Variants in WWOX observed in about 807,000 individuals in gnomAD.
WWOX encodes the protein WW domain-containing oxidoreductase.
Under a neutral mutation model 46.2 loss-of-function variants are expected in WWOX, and 69 were observed. The observed-to-expected ratio is 1.49, with a 90% confidence interval of 1.23 to 1.82. The LOEUF is 1.82. WWOX is among the 40% of genes most tolerant of loss of function. The probability of loss-of-function intolerance (pLI) is 0.00; values close to 1 mark genes in which losing one functional copy is unlikely to be tolerated. For missense variants in WWOX, 919 were observed against 542.6 expected, an observed-to-expected ratio of 1.69 and a Z score of -6.89; for synonymous variants, 359 against 202.6, an observed-to-expected ratio of 1.77 and a Z score of -6.56.
In WWOX at chr16:79,020,924, G is replaced by C. The variant is rs187154059; in HGVS notation, c.1057-190684G>C. Among the ~76,000 whole-genome samples the C allele has an allele frequency of 1.1e-3, 170 of 152,234 alleles. 1 individual carries two copies. In the Middle Eastern group the frequency reaches 0.02, roughly 18 times the overall value. ...TTTAAGTGAGGGAGTATGTTAATGA[G>C]CTTAGATTGTCAGGGAGCTAAGGGG... On this transcript the variant is annotated intron_variant, in intron 8 of 8. Coordinates refer to ENST00000566780, the MANE Select transcript of WWOX (RefSeq NM_016373.4).
chr16:78,442,128 C>A (rs1050774234), intron 8 of WWOX, among the ~76,000 whole-genome samples: 1 of 151,486 alleles, frequency 6.6e-6, no homozygotes, highest in Non-Finnish European at 1.5e-5. Flanking sequence ...CATAGTGAGA[C>A]CCTATCTCTA....
chr16:78,926,483 C>G (rs1567654223), intron 8 of WWOX, among the ~76,000 whole-genome samples: 3 of 152,164 alleles, frequency 2.0e-5, no homozygotes, highest in Admixed American at 6.5e-5. Flanking sequence ...TCTATGGTTT[C>G]TCCATCCTTG....
intron 4 of WWOX, among the ~76,000 whole-genome samples, chr16:78,130,594 C>T (rs1206114520): frequency 6.6e-6 from 1 of 152,200 alleles, no homozygotes; most frequent in Non-Finnish European, 1.5e-5. Flanking sequence ...TGTAGGCAGG[C>T]ACAGGCTATT....
intron 8 of WWOX, among the ~76,000 whole-genome samples, chr16:79,165,368 G>A (rs1445311162): frequency 1.3e-5 from 2 of 152,144 alleles, no homozygotes; most frequent in African/African-American, 4.8e-5. Context: ...AACAACATGG[G>A]CTTTAGAGCC....
At chr16:78,791,230 C>G (rs1307277595) in intron 8 of WWOX, among the ~76,000 whole-genome samples, 2 of 151,908 alleles carry the variant, frequency 1.3e-5, no homozygotes, top group South Asian at 2.1e-4. Flanking sequence ...GCCTCATGAA[C>G]TCATGGGAAG....
chr16:79,121,369 C>T (rs890634456), intron 8 of WWOX, among the ~76,000 whole-genome samples: 1 of 152,186 alleles, frequency 6.6e-6, no homozygotes, highest in Non-Finnish European at 1.5e-5. Context: ...AAATTTTACG[C>T]ATTGTGTTTA....
intron 8 of WWOX, among the ~76,000 whole-genome samples, chr16:78,846,742 A>G (rs949075855): frequency 9.2e-5 from 14 of 152,054 alleles, no homozygotes; most frequent in African/African-American, 3.4e-4. Context: ...CTTTGGGACT[A>G]CTTCTCAAAT....
At chr16:78,850,874 G>T (rs1283700868) in intron 8 of WWOX, among the ~76,000 whole-genome samples, 3 of 152,102 alleles carry the variant, frequency 2.0e-5, no homozygotes, top group African/African-American at 7.2e-5. Flanking sequence ...GTGCCATATT[G>T]GCTCAACATG....
intron 8 of WWOX, among the ~76,000 whole-genome samples, chr16:79,188,302 C>T (rs1176243952): frequency 6.6e-6 from 1 of 152,166 alleles, no homozygotes; most frequent in Admixed American, 6.5e-5. Context: ...TCAAGCTGGC[C>T]TCGTGTTTGT....
chr16:78,382,806 G>T (rs959477621), intron 5 of WWOX, among the ~76,000 whole-genome samples: 1 of 152,036 alleles, frequency 6.6e-6, no homozygotes. Context: ...TATGCACAAA[G>T]GTACAGCAAA....
At chr16:78,380,407 C>T (rs72796067) in intron 5 of WWOX, among the ~76,000 whole-genome samples, 8,087 of 152,138 alleles carry the variant, frequency 0.053, 286 homozygotes, top group East Asian at 0.12. Context: ...CTGCACCCTG[C>T]GAAGATGCTA....
At chr16:79,161,570 T>A (rs28637516) in intron 8 of WWOX, among the ~76,000 whole-genome samples, 1 of 152,174 alleles carries the variant, frequency 6.6e-6, no homozygotes, top group South Asian at 2.1e-4. Context: ...TTGCCCAGGC[T>A]GGAGTGCAGT....
intron 8 of WWOX, among the ~76,000 whole-genome samples, chr16:78,602,728 C>T (rs1481471128): frequency 1.3e-5 from 2 of 152,132 alleles, no homozygotes; most frequent in African/African-American, 4.8e-5. Flanking sequence ...TTTAACGATC[C>T]ATTTACTGTA....
intron 8 of WWOX, among the ~76,000 whole-genome samples, chr16:78,533,958 C>T (rs552392541): frequency 1.3e-5 from 2 of 152,052 alleles, no homozygotes; most frequent in Admixed American, 1.3e-4. Context: ...AGTAGTAACC[C>T]TACATTCTAG....
chr16:79,203,627 C>G (rs1005792787), intron 8 of WWOX: 3 of 152,040 alleles, frequency 2.0e-5, no homozygotes, highest in East Asian at 3.9e-4. Context: ...CTGAAATCCT[C>G]CCTGCTCACA....
chr16:78,484,814 G>C (rs994236549), intron 8 of WWOX, among the ~76,000 whole-genome samples: 1 of 152,156 alleles, frequency 6.6e-6, no homozygotes, highest in African/African-American at 2.4e-5. Flanking sequence ...CGAGGTTCTG[G>C]AAGATGGGTG....
At chr16:78,387,005 A>T in intron 6 of WWOX, 57 bp downstream of exon 6, 1 of 1,531,050 alleles carries the variant, frequency 6.5e-7, no homozygotes, top group Non-Finnish European at 9.1e-7. Context: ...TAATATCTTT[A>T]TCAGATGAAC....
At chr16:78,416,258 T>A (rs961250651) in intron 6 of WWOX, among the ~76,000 whole-genome samples, 5 of 152,234 alleles carry the variant, frequency 3.3e-5, no homozygotes, top group Non-Finnish European at 5.9e-5. Flanking sequence ...TGAATTGCAA[T>A]GGCTTTTAGT....
At chr16:78,560,111 A>C (rs1333605026) in intron 8 of WWOX, among the ~76,000 whole-genome samples, 1 of 152,168 alleles carries the variant, frequency 6.6e-6, no homozygotes, top group African/African-American at 2.4e-5. Flanking sequence ...GCAGTTCAGG[A>C]GATTATATTA....
Sources: allele counts gnomAD v4.1 joint callset (sites outside exome capture counted in the v4.1 genomes callset), GRCh38; gene constraint gnomAD v4.1.1; transcripts MANE v1.5; gene names NCBI Gene and HGNC (gene_info 2026-07-23, HGNC 2026-07-21).